NUP35: variants seen among roughly 807,000 people sequenced by gnomAD.
NUP35 encodes nucleoporin NUP35.
NUP35 carries 25 observed loss-of-function variants against 41.5 expected under a neutral mutation model. The observed-to-expected ratio is 0.60, with a 90% CI of 0.44 to 0.84. The LOEUF (loss-of-function observed/expected upper bound fraction) is 0.84, where lower values mean the gene tolerates loss of function less well. Ranked by LOEUF, NUP35 falls within the 40% of genes least tolerant of loss-of-function variation. The pLI, the probability that NUP35 is intolerant of heterozygous loss-of-function variation, is 0.00. For synonymous variants in NUP35, 149 were observed against 130.7 expected, an observed-to-expected ratio of 1.14 and a Z score of -0.96; for missense variants, 396 against 396.6, an observed-to-expected ratio of 1.00 and a Z score of 0.01.
intron 5 of NUP35, among the ~76,000 whole-genome samples, chr2:183,154,189 A>G (rs573387514): frequency 4.6e-5 from 7 of 152,186 alleles, no homozygotes; most frequent in Non-Finnish European, 8.8e-5. Flanking sequence ...CTCCAGGCCT[A>G]TGATGGGATT....
chr2:183,149,770 C>T (rs1251226563), intron 4 of NUP35, among the ~76,000 whole-genome samples: 1 of 152,112 alleles, frequency 6.6e-6, no homozygotes, highest in African/African-American at 2.4e-5. Context: ...TTCCAACTAA[C>T]CTTCTGGATG....
At chr2:183,146,469 A>G (rs1685281015) in intron 4 of NUP35, among the ~76,000 whole-genome samples, 1 of 152,222 alleles carries the variant, frequency 6.6e-6, no homozygotes, top group Non-Finnish European at 1.5e-5. Flanking sequence ...AGATGTTCAA[A>G]TAGTACTGCT....
At chr2:183,127,201 T>G (rs1345415898) in intron 1 of NUP35, among the ~76,000 whole-genome samples, 1 of 152,186 alleles carries the variant, frequency 6.6e-6, no homozygotes, top group Non-Finnish European at 1.5e-5. Flanking sequence ...TTGTGAGGAT[T>G]TATTTTGTAT....
chr2:183,152,466 C>A (rs1685505615), intron 5 of NUP35, among the ~76,000 whole-genome samples: 1 of 151,930 alleles, frequency 6.6e-6, no homozygotes, highest in African/African-American at 2.4e-5. Context: ...CCCCAAAGTC[C>A]ATTGCATCAT....
Position 183,139,697 on chromosome 2 carries a change from G to C in NUP35, c.397+6074G>C, listed in dbSNP as rs190000805. On this transcript the variant is annotated intron_variant, in intron 4 of 8. Coordinates refer to ENST00000295119, the MANE Select transcript of NUP35 (RefSeq NM_138285.5). Reference sequence around the variant, plus strand: ...GGAGAGAGAAGGTGATGTTCAGAAGGGGGCAGAGATTAGAGTGTTGTTTCC... The same window carrying C: ...GGAGAGAGAAGGTGATGTTCAGAAGCGGGCAGAGATTAGAGTGTTGTTTCC... Among the ~76,000 whole-genome samples the C allele has an allele frequency of 2.6e-4, 40 of 152,248 alleles. 1 individual carries two copies. The highest frequency in any genetic ancestry group is 2.4e-3 in the Admixed American group (36 of 15,294).
At chr2:183,147,262 G>A (rs970551088) in intron 4 of NUP35, among the ~76,000 whole-genome samples, 3 of 152,132 alleles carry the variant, frequency 2.0e-5, no homozygotes, top group Non-Finnish European at 2.9e-5. Flanking sequence ...GATATGAGTT[G>A]TAAAGTCTTT....
At chr2:183,124,541 C>G (rs371479097) in intron 1 of NUP35, 44 bp downstream of exon 1, 25 of 1,612,172 alleles carry the variant, frequency 1.6e-5, no homozygotes, top group Non-Finnish European at 2.0e-5. Flanking sequence ...GCCATCCATG[C>G]TCTGGGCCTG....
chr2:183,141,844 A>G (rs1379109937), intron 4 of NUP35, among the ~76,000 whole-genome samples: 1 of 152,096 alleles, frequency 6.6e-6, no homozygotes, highest in Non-Finnish European at 1.5e-5. Context: ...TCATCCTAGG[A>G]CTTGCATGTT....
chr2:183,138,253 ATATATATATATATATATTTTTTTTTTT>A (rs1363535890), intron 4 of NUP35, among the ~76,000 whole-genome samples: 1 of 52,202 alleles, frequency 1.9e-5, no homozygotes, highest in African/African-American at 6.6e-5. Context: ...AGCTATATAT[ATATATATATATATATATTTTTTTTTTT>A]TTTTAGCTCC....
chr2:183,149,193 G>A (rs2705760), intron 4 of NUP35, among the ~76,000 whole-genome samples: 77,249 of 151,910 alleles, frequency 0.51, 20,981 homozygotes, highest in East Asian at 0.77. Context: ...TAGAACAGTG[G>A]TTCTCAAATG....
intron 6 of NUP35, among the ~76,000 whole-genome samples, 192 bp downstream of exon 6, chr2:183,157,705 A>C (rs1406086258): frequency 6.6e-6 from 1 of 152,066 alleles, no homozygotes; most frequent in African/African-American, 2.4e-5. Context: ...TATAGTGAGA[A>C]GATATGGAGA....
intron 4 of NUP35, among the ~76,000 whole-genome samples, chr2:183,137,693 C>T (rs977601732): frequency 6.6e-6 from 1 of 151,274 alleles, no homozygotes; most frequent in Non-Finnish European, 1.5e-5. Context: ...TATGGGAGGT[C>T]AAGGTGGGAA....
chr2:183,126,109 TCA>T (rs1436138643), intron 1 of NUP35, among the ~76,000 whole-genome samples: 4 of 152,120 alleles, frequency 2.6e-5, no homozygotes, highest in Non-Finnish European at 5.9e-5. Context: ...CAGTCTCAGC[TCA>T]CTGCAACCTC....
At chr2:183,140,736 T>A (rs901570993) in intron 4 of NUP35, among the ~76,000 whole-genome samples, 2 of 147,850 alleles carry the variant, frequency 1.4e-5, no homozygotes, top group Non-Finnish European at 3.0e-5. Context: ...GGCAGGAGAA[T>A]CAGTTGAACT....
chr2:183,138,306 G>A (rs1348881774), intron 4 of NUP35, among the ~76,000 whole-genome samples: 1 of 122,672 alleles, frequency 8.2e-6, no homozygotes, highest in Non-Finnish European at 1.7e-5. Context: ...TTAGTGTTAA[G>A]TGAAGTTTTT....
chr2:183,138,440 G>A (rs55957340), intron 4 of NUP35, among the ~76,000 whole-genome samples: 4,886 of 151,632 alleles, frequency 0.032, 96 homozygotes, highest in Non-Finnish European at 0.043. Context: ...AAAGAGGTTG[G>A]TGGGTTTATT....
At chr2:183,121,936 C>T (rs200618571), upstream of NUP35, among the ~76,000 whole-genome samples, 26 of 36,118 alleles carry the variant, frequency 7.2e-4, no homozygotes, top group East Asian at 8.3e-3. Context: ...TATTATTATA[C>T]TTTAAGTTCT....
At chr2:183,138,245 C>CTATATA (rs1208421272) in intron 4 of NUP35, among the ~76,000 whole-genome samples, 33 of 112,662 alleles carry the variant, frequency 2.9e-4, no homozygotes, top group East Asian at 9.7e-4. Flanking sequence ...TCATTTAGAG[C>CTATATA]TATATATATA....
chr2:183,149,105 A>C (rs1026481248), intron 4 of NUP35, among the ~76,000 whole-genome samples: 34 of 152,226 alleles, frequency 2.2e-4, no homozygotes, highest in African/African-American at 7.7e-4. Flanking sequence ...GTCAGGAGAT[A>C]CATACAATAG....
Sources: gnomAD v4.1 joint callset for allele counts (sites outside exome capture counted in the v4.1 genomes callset) on GRCh38, gnomAD v4.1.1 for gene constraint, MANE v1.5 for transcripts, NCBI Gene and HGNC (gene_info 2026-07-23, HGNC 2026-07-21) for gene names.